The following METTL24 variants were observed in gnomAD, a reference collection of about 807,000 sequenced individuals.
The protein encoded by METTL24 is methyltransferase like 24.
A neutral mutation model predicts 32.7 loss-of-function variants in METTL24; 29 were observed. The ratio of observed to expected loss-of-function variants is 0.89; its 90% CI spans 0.66 to 1.21. METTL24 has a LOEUF of 1.21. METTL24 is among the 50% of genes most tolerant of loss of function. METTL24 has a pLI of 0.00. For missense variants in METTL24, 439 were observed against 468.1 expected, an observed-to-expected ratio of 0.94 and a Z score of 0.57; for synonymous variants, 163 against 179.5, an observed-to-expected ratio of 0.91 and a Z score of 0.73.
intron 4 of METTL24, among the ~76,000 whole-genome samples, chr6:110,255,109 G>A (rs563108539): frequency 8.5e-5 from 13 of 152,204 alleles, no homozygotes; most frequent in African/African-American, 3.1e-4. Context: ...CAGATTATGA[G>A]AAATATGAAG....
chr6:110,298,770 A>C (rs1407822343), intron 4 of METTL24, 152 bp downstream of exon 4: 3 of 675,902 alleles, frequency 4.4e-6, no homozygotes, highest in African/African-American at 3.6e-5. Context: ...TTATGTCTAG[A>C]GTTGACTCTA....
At chr6:110,268,576 A>C (rs1770900829) in intron 4 of METTL24, among the ~76,000 whole-genome samples, 1 of 152,180 alleles carries the variant, frequency 6.6e-6, no homozygotes, top group Non-Finnish European at 1.5e-5. Flanking sequence ...GCCTGGCTGC[A>C]AACAAGACAC....
intron 2 of METTL24, among the ~76,000 whole-genome samples, chr6:110,319,493 T>C (rs898810995): frequency 6.6e-6 from 1 of 151,846 alleles, no homozygotes; most frequent in Admixed American, 6.6e-5. Context: ...TTAAAACATA[T>C]TTTATTTTTT....
chr6:110,293,560 T>G (rs1478008390), intron 4 of METTL24, among the ~76,000 whole-genome samples: 1 of 151,962 alleles, frequency 6.6e-6, no homozygotes, highest in Non-Finnish European at 1.5e-5. Flanking sequence ...ATAATAAAAT[T>G]TTTACCTCTT....
At chr6:110,293,090 G>A (rs9487351) in intron 4 of METTL24, among the ~76,000 whole-genome samples, 6,581 of 151,632 alleles carry the variant, frequency 0.043, 511 homozygotes, top group African/African-American at 0.15. Flanking sequence ...TGTTAATTCA[G>A]TATGAACTCT....
chr6:110,325,759 G>A (rs1772006738), intron 1 of METTL24, among the ~76,000 whole-genome samples: 1 of 152,126 alleles, frequency 6.6e-6, no homozygotes, highest in Non-Finnish European at 1.5e-5. Context: ...AGAGAAACAG[G>A]GACTCTCAGC....
At chr6:110,325,373 T>C (rs954537243) in intron 1 of METTL24, among the ~76,000 whole-genome samples, 3 of 152,354 alleles carry the variant, frequency 2.0e-5, no homozygotes, top group South Asian at 2.1e-4. Flanking sequence ...AAAGCAGCCA[T>C]AGACAGTAAG....
chr6:110,342,936 G>C (rs11963088), intron 1 of METTL24, among the ~76,000 whole-genome samples: 1,733 of 152,224 alleles, frequency 0.011, 30 homozygotes, highest in African/African-American at 0.04. Flanking sequence ...ACCACATCTT[G>C]TGTACCCATT....
intron 4 of METTL24, among the ~76,000 whole-genome samples, chr6:110,256,579 T>A (rs1778388893): frequency 6.6e-6 from 1 of 152,164 alleles, no homozygotes; most frequent in African/African-American, 2.4e-5. Context: ...TCCTATCAGA[T>A]AACGAGTCCC....
rs773031116 is a variant in METTL24, at chr6:110,299,065, C to T, written c.643G>A (p.Ala215Thr). The T allele has an allele frequency of 1.9e-6, 3 of 1,614,204 alleles. No homozygotes were observed. Among genetic ancestry groups the T allele is most frequent in the Non-Finnish European group, 2.5e-6 (3 of 1,180,028 alleles). Residue 215 changes from alanine (A) to threonine (T), a missense_variant, in exon 4 of 5, where the codon GCT (alanine) becomes ACT (threonine). Ala to Thr is a moderately conservative substitution (Grantham distance 58). Coordinates refer to ENST00000338882, the MANE Select transcript of METTL24 (RefSeq NM_001123364.3). ...VHRFDPSVKSAHILESQHLWY... is the reference protein window; with the variant it reads ...VHRFDPSVKSTHILESQHLWY... ...AGGTGCTGACTCTCCAGAATGTGAG[C>T]TGACTTGACACTAGGATCAAAACGA... is the stretch of plus-strand genomic sequence containing the variant.
At chr6:110,355,998 A>T (rs1214931427) in intron 1 of METTL24, among the ~76,000 whole-genome samples, 1 of 152,184 alleles carries the variant, frequency 6.6e-6, no homozygotes, top group East Asian at 1.9e-4. Context: ...GGTACAGACA[A>T]AGAGTTAAGA....
At position 110,245,315 on chromosome 6, in the gene METTL24, C is replaced by T. The variant is rs939496984; in HGVS notation, c.*631G>A. Among the ~76,000 whole-genome samples, 8 of 152,100 alleles carry T rather than the reference C, an allele frequency of 5.3e-5. No homozygotes were observed. Among genetic ancestry groups the T allele is most frequent in the Admixed American group, 6.6e-5 (1 of 15,244 alleles). On this transcript the variant is annotated 3_prime_UTR_variant, in exon 5 of 5. Coordinates refer to ENST00000338882, the MANE Select transcript of METTL24 (RefSeq NM_001123364.3). Reference sequence around the variant, plus strand: ...AGGTCAAGACCTTCAGACTTGGTCTCGAACTGGAACTTACACCTTCGTGTT... The same window carrying T: ...AGGTCAAGACCTTCAGACTTGGTCTTGAACTGGAACTTACACCTTCGTGTT...
chr6:110,326,395 C>G (rs1367830851), intron 1 of METTL24, among the ~76,000 whole-genome samples: 1 of 152,210 alleles, frequency 6.6e-6, no homozygotes, highest in Non-Finnish European at 1.5e-5. Flanking sequence ...TTTCTGAAGG[C>G]TTCCATGTCA....
intron 1 of METTL24, among the ~76,000 whole-genome samples, chr6:110,329,899 G>A (rs146985976): frequency 7.9e-5 from 12 of 152,388 alleles, no homozygotes; most frequent in African/African-American, 2.6e-4. Context: ...AGAATGCACA[G>A]AGCGGTTATT....
At chr6:110,346,562 T>C (rs146763183) in intron 1 of METTL24, among the ~76,000 whole-genome samples, 1,620 of 147,624 alleles carry the variant, frequency 0.011, 29 homozygotes, top group African/African-American at 0.039. Context: ...TGGAGTGCAA[T>C]GGCATGATTT....
Position 110,357,952 on chromosome 6 carries a change from G to A in METTL24, c.318+3C>T, listed in dbSNP as rs781573838. ...GCCCAAGACCGACCGCTTTGCAACT[G>A]ACCTTCCGGCGGGGGCGCCCGCGCG... On this transcript the variant is annotated splice_donor_region_variant and intron_variant, in intron 1 of 4. Transcript: ENST00000338882. 7 of 1,201,106 alleles carry A rather than the reference G, an allele frequency of 5.8e-6. No individual in the cohort carries two copies. In the African/African-American group the frequency reaches 1.1e-4, roughly 19 times the overall value. The allele number at this position is 1,201,106 out of a possible 1,614,324, so 74.4% of individuals were successfully genotyped here. A position where few individuals can be genotyped will look rare whatever the true frequency, so the allele number is the denominator to read the frequency against.
At chr6:110,355,586 T>C (rs1772684816) in intron 1 of METTL24, among the ~76,000 whole-genome samples, 1 of 152,156 alleles carries the variant, frequency 6.6e-6, no homozygotes, top group Admixed American at 6.5e-5. Context: ...TTTACTGCCA[T>C]TTGTACTTGG....
intron 1 of METTL24, among the ~76,000 whole-genome samples, chr6:110,343,950 C>T (rs760757810): frequency 1.2e-4 from 19 of 152,010 alleles, no homozygotes; most frequent in Non-Finnish European, 1.9e-4. Flanking sequence ...AAAGGTAAGC[C>T]CCATTATTAT....
chr6:110,270,852 T>C lies in METTL24; in HGVS notation c.787-24592A>G, dbSNP rs568692977. Reference sequence around the variant, plus strand: ...CATCTTGATTCTTTTTTTTTTTTTTTTTTGAGGTGGAGTCTTGCTCTGTTG... The same window carrying C: ...CATCTTGATTCTTTTTTTTTTTTTTCTTTGAGGTGGAGTCTTGCTCTGTTG... On this transcript the variant is annotated intron_variant, in intron 4 of 4. Transcript: ENST00000338882. 5.2e-3 allele frequency among the ~76,000 whole-genome samples: 791 copies of C among 150,884 alleles called. 7 individuals are homozygous for C. The highest frequency in any genetic ancestry group is 8.0e-3 in the Non-Finnish European group (540 of 67,672).
Sources: gnomAD v4.1 joint callset for allele counts (sites outside exome capture counted in the v4.1 genomes callset) on GRCh38, gnomAD v4.1.1 for gene constraint, MANE v1.5 for transcripts, NCBI Gene and HGNC (gene_info 2026-07-23, HGNC 2026-07-21) for gene names.